Variants in GABRG3 observed in about 807,000 individuals in gnomAD.
The protein encoded by GABRG3 is gamma-aminobutyric acid type A receptor subunit gamma3.
A neutral mutation model predicts 48.8 loss-of-function variants in GABRG3; 25 were observed. The ratio of observed to expected loss-of-function variants is 0.51; its 90% CI spans 0.37 to 0.72. GABRG3 has a LOEUF of 0.72. Among genes scored for constraint, GABRG3 ranks in the 30% least tolerant of loss-of-function variants. The pLI is 0.00. For synonymous variants in GABRG3, 227 were observed against 217.6 expected (o/e 1.04, Z -0.38); for missense variants, 394 against 577.9 (o/e 0.68, Z 3.26).
In GABRG3 at chr15:27,261,486, TC is replaced by T. The variant is rs1015709694; in HGVS notation, c.271-65319del. ...GTGAGATGGGCAGGGGTGCTGTTAA[TC>T]CCCATCACACACCCTTACGTACTAC... On this transcript the variant is annotated intron_variant, in intron 3 of 9. Transcript: ENST00000615808. Among the ~76,000 whole-genome samples the T allele has an allele frequency of 9.3e-5, 14 of 151,260 alleles. 1 individual carries two copies. The highest frequency in any genetic ancestry group is 1.8e-4 in the Non-Finnish European group (12 of 67,902).
chr15:27,282,729 G>A (rs753258479), intron 3 of GABRG3, among the ~76,000 whole-genome samples: 6 of 152,082 alleles, frequency 3.9e-5, no homozygotes, highest in Admixed American at 6.5e-5. Flanking sequence ...GTTGGCTTCT[G>A]TTGATTATGT....
chr15:27,026,609 C>G (rs1302627155), intron 2 of GABRG3, 145 bp from the exon 3 acceptor site: 1 of 475,662 alleles, frequency 2.1e-6, no homozygotes, highest in Non-Finnish European at 3.7e-6. Flanking sequence ...ATTATAATTA[C>G]AAGAGAAGTC....
intron 3 of GABRG3, among the ~76,000 whole-genome samples, chr15:27,039,312 A>G (rs111400973): frequency 6.6e-6 from 1 of 152,210 alleles, no homozygotes; most frequent in African/African-American, 2.4e-5. Flanking sequence ...TCTTTGTCAC[A>G]TTGAGGACAG....
intron 3 of GABRG3, among the ~76,000 whole-genome samples, chr15:27,174,787 C>T (rs770482034): frequency 7.9e-5 from 12 of 152,256 alleles, no homozygotes; most frequent in Middle Eastern, 6.8e-3. Context: ...CCTTAGTGGT[C>T]CTTGGGCATC....
intron 5 of GABRG3, among the ~76,000 whole-genome samples, chr15:27,335,494 G>A (rs192851147): frequency 6.6e-6 from 1 of 152,324 alleles, no homozygotes; most frequent in Admixed American, 6.5e-5. Flanking sequence ...TAATGACTAA[G>A]GATGTTTTAA....
chr15:26,991,031 C>G (rs541958632), intron 2 of GABRG3, among the ~76,000 whole-genome samples: 1 of 152,076 alleles, frequency 6.6e-6, no homozygotes, highest in Non-Finnish European at 1.5e-5. Flanking sequence ...TCTTGAACTC[C>G]TGACCTCGTG....
At chr15:27,380,187 T>G (rs1353921782) in intron 5 of GABRG3, among the ~76,000 whole-genome samples, 2 of 152,210 alleles carry the variant, frequency 1.3e-5, no homozygotes, top group Non-Finnish European at 2.9e-5. Context: ...CAAGGACATT[T>G]TCCATTTTTG....
At chr15:27,316,018 C>T (rs1159220694) in intron 3 of GABRG3, among the ~76,000 whole-genome samples, 3 of 152,130 alleles carry the variant, frequency 2.0e-5, no homozygotes, top group Non-Finnish European at 4.4e-5. Flanking sequence ...CGCTATTTTC[C>T]TTCTATTGTA....
intron 6 of GABRG3, among the ~76,000 whole-genome samples, chr15:27,497,189 A>C (rs1890507806): frequency 6.6e-6 from 1 of 152,212 alleles, no homozygotes. Flanking sequence ...ATCTTTTAAA[A>C]TTCTGTTTTC....
intron 3 of GABRG3, among the ~76,000 whole-genome samples, chr15:27,308,780 AAC>A (rs897317555): frequency 2.6e-4 from 39 of 150,122 alleles, no homozygotes; most frequent in East Asian, 6.2e-4. Context: ...TTATATATAA[AAC>A]ACAATGTAAA....
At chr15:27,423,192 G>C (rs899460000) in intron 5 of GABRG3, among the ~76,000 whole-genome samples, 2 of 145,402 alleles carry the variant, frequency 1.4e-5, no homozygotes, top group Admixed American at 7.0e-5. Context: ...AAGCTGGAAT[G>C]GCATGGTTCA....
chr15:27,304,504 G>T, intron 3 of GABRG3, among the ~76,000 whole-genome samples: 1 of 151,918 alleles, frequency 6.6e-6, no homozygotes, highest in East Asian at 1.9e-4. Context: ...AGCAGAATTC[G>T]TTCTAGAATG....
At chr15:27,369,598 A>G (rs1293220281) in intron 5 of GABRG3, among the ~76,000 whole-genome samples, 1 of 152,110 alleles carries the variant, frequency 6.6e-6, no homozygotes, top group Non-Finnish European at 1.5e-5. Context: ...TGGGCGGATC[A>G]TGAGGTCAGG....
chr15:27,352,262 G>C lies in GABRG3; in HGVS notation c.574+23374G>C, dbSNP rs1052672752. Among the ~76,000 whole-genome samples, 7 of 151,760 alleles carry C rather than the reference G, an allele frequency of 4.6e-5. No individual in the cohort carries two copies. The highest frequency in any genetic ancestry group is 1.5e-4 in the African/African-American group (6 of 41,228). ...AGACCGTTCAGCTAATCTCCGTCTC[G>C]CGCTCACTGTTCACAGCGTAAATCC... On this transcript the variant is annotated intron_variant, in intron 5 of 9. Transcript: ENST00000615808. The surrounding 1 kb of genome is among the most constrained non-coding windows in gnomAD (Gnocchi z 4.0).
chr15:27,022,033 G>A (rs974418005), intron 2 of GABRG3, among the ~76,000 whole-genome samples: 1 of 152,156 alleles, frequency 6.6e-6, no homozygotes, highest in East Asian at 1.9e-4. Context: ...ATTCCTCTGG[G>A]ATGCCTTCCT....
At chr15:27,312,923 TAAAAAA>T (rs894839922) in intron 3 of GABRG3, among the ~76,000 whole-genome samples, 2 of 150,670 alleles carry the variant, frequency 1.3e-5, no homozygotes, top group Admixed American at 1.3e-4. Context: ...GTCTAAAAGT[TAAAAAA>T]AAGTATAAAA....
At chr15:27,095,097 G>A (rs1013842809) in intron 3 of GABRG3, among the ~76,000 whole-genome samples, 2 of 152,028 alleles carry the variant, frequency 1.3e-5, no homozygotes, top group East Asian at 1.9e-4. Flanking sequence ...CTGGATTTTC[G>A]CCACACCGAT....
chr15:27,006,096 T>G (rs994098919), intron 2 of GABRG3, among the ~76,000 whole-genome samples: 4 of 152,226 alleles, frequency 2.6e-5, no homozygotes, highest in Non-Finnish European at 5.9e-5. Context: ...GACCAGTGTT[T>G]GTGGACTTTA....
chr15:27,435,770 A>G (rs1888591908), intron 5 of GABRG3, among the ~76,000 whole-genome samples: 1 of 152,206 alleles, frequency 6.6e-6, no homozygotes, highest in African/African-American at 2.4e-5. Context: ...TATAGGCTTC[A>G]TGCCTCTAAG....
Sources: gnomAD v4.1 joint callset for allele counts (sites outside exome capture counted in the v4.1 genomes callset) on GRCh38, gnomAD v4.1.1 for gene constraint, Gnocchi (gnomAD v3.1) non-coding constraint, MANE v1.5 for transcripts, NCBI Gene and HGNC (gene_info 2026-07-23, HGNC 2026-07-21) for gene names.